Variants in CKS1B observed in about 807,000 individuals in gnomAD.
CKS1B encodes the protein cyclin-dependent kinases regulatory subunit 1.
CKS1B carries 5 observed loss-of-function variants against 12.2 expected under a neutral mutation model. The ratio of observed to expected loss-of-function variants is 0.41; its 90% CI spans 0.21 to 0.86. The LOEUF (loss-of-function observed/expected upper bound fraction) is 0.86. Among genes scored for constraint, CKS1B ranks in the 40% least tolerant of loss-of-function variants. CKS1B has a pLI of 0.32. For synonymous variants in CKS1B, 24 were observed against 34.4 expected (o/e 0.70, Z 1.06); for missense variants, 53 against 99.9 (o/e 0.53, Z 2.00).
At chr1:154,975,043 G>A in intron 1 of CKS1B, 1 of 1,077,404 alleles carries the variant, frequency 9.3e-7, no homozygotes, top group Non-Finnish European at 1.4e-6. Flanking sequence ...GGGTGGGCGT[G>A]GTTAGGGTAC....
rs941162077 is a variant in CKS1B at position 154,978,919 on chromosome 1, G to T, written c.*142G>T. 14 of 639,404 alleles carry T rather than the reference G, an allele frequency of 2.2e-5. No individual in the cohort carries two copies. Among genetic ancestry groups the T allele is most frequent in the African/African-American group, 1.8e-4 (10 of 54,698 alleles). The allele number at this position is 639,404 out of a possible 1,614,324, so 39.6% of individuals were successfully genotyped here. On this transcript the variant is annotated 3_prime_UTR_variant, in exon 3 of 3. Transcript: ENST00000308987. ...TTCAATACACTGTTTGAATGTGCTG[G>T]TAACTGCTTTGCTTCTTGAGTAGAG...
At position 154,978,597 on chromosome 1, in the gene CKS1B, A is replaced by T. The variant is rs1156267357; in HGVS notation, c.188-128A>T. On this transcript the variant is annotated intron_variant, in intron 2 of 2. Coordinates refer to ENST00000308987, the MANE Select transcript of CKS1B (RefSeq NM_001826.3). ...CTTCTGGGTCTGCTTCTAAGGCCATATGCTTAAGTCTTTATTTAGTTATAA... is the reference window on the plus strand; with the variant it reads ...CTTCTGGGTCTGCTTCTAAGGCCATTTGCTTAAGTCTTTATTTAGTTATAA... 13 of 751,876 alleles carry T rather than the reference A, an allele frequency of 1.7e-5. No homozygotes were observed. The Admixed American group carries it at 2.1e-4, about 12-fold the overall frequency. The allele number at this position is 751,876 out of a possible 1,614,324, so 46.6% of individuals were successfully genotyped here.
At chr1:154,976,460 C>T (rs1188757579) in intron 1 of CKS1B, among the ~76,000 whole-genome samples, 2 of 152,194 alleles carry the variant, frequency 1.3e-5, no homozygotes, top group Non-Finnish European at 2.9e-5. Flanking sequence ...CTTCACCCAG[C>T]CTAGTTCAGG....
At chr1:154,978,691 G>C in intron 2 of CKS1B, 34 bp from the exon 3 acceptor site, 1 of 1,601,668 alleles carries the variant, frequency 6.2e-7, no homozygotes, top group Non-Finnish European at 8.6e-7. Flanking sequence ...AGAATGGTGT[G>C]AGCTTGTCTC....
chr1:154,974,991 T>A (rs992042530), intron 1 of CKS1B, 187 bp downstream of exon 1: 2 of 1,573,792 alleles, frequency 1.3e-6, no homozygotes, highest in African/African-American at 2.7e-5. Flanking sequence ...TAAAACAAAG[T>A]GGTTGCGAAT....
intron 1 of CKS1B, 82 bp downstream of exon 1, chr1:154,974,886 G>A: frequency 1.9e-6 from 3 of 1,614,050 alleles, no homozygotes; most frequent in Non-Finnish European, 2.5e-6. Context: ...AGGAACTGAG[G>A]CGATAGAATT....
chr1:154,978,697 G>A, intron 2 of CKS1B, 28 bp from the exon 3 acceptor site: 3 of 1,608,638 alleles, frequency 1.9e-6, no homozygotes, highest in East Asian at 2.2e-5. Flanking sequence ...GTGTGAGCTT[G>A]TCTCTTAGAT....
chr1:154,977,117 CTTTCTTT>C (rs902579045), intron 1 of CKS1B, among the ~76,000 whole-genome samples: 1 of 151,962 alleles, frequency 6.6e-6, no homozygotes, highest in Non-Finnish European at 1.5e-5. Context: ...CATTGCAGCC[CTTTCTTT>C]TTTCTTATTT....
In CKS1B at chr1:154,978,010, T is replaced by C. The variant is rs759646394; in HGVS notation, c.83T>C (p.Ile28Thr). ...AGACATGTCATGCTGCCCAAGGACATAGCCAAGCTGGTCCCTAAAACCCAT... is the reference window on the plus strand; with the variant it reads ...AGACATGTCATGCTGCCCAAGGACACAGCCAAGCTGGTCCCTAAAACCCAT... ...EYRHVMLPKD[I>T]AKLVPKTHLM... Residue 28 changes from isoleucine to threonine, a missense_variant, in exon 2 of 3, where the codon ATA becomes ACA. Ile to Thr is a moderately conservative substitution (Grantham distance 89). Coordinates refer to ENST00000308987, the MANE Select transcript of CKS1B (RefSeq NM_001826.3). The C allele has an allele frequency of 4.3e-6, 7 of 1,613,918 alleles. No individual in the cohort carries two copies. Among genetic ancestry groups the C allele is most frequent in the Non-Finnish European group, 5.1e-6 (6 of 1,179,916 alleles).
At position 154,978,600 on chromosome 1, in the gene CKS1B, C is replaced by T. The variant is rs1657247444; in HGVS notation, c.188-125C>T. ...CTGGGTCTGCTTCTAAGGCCATATG[C>T]TTAAGTCTTTATTTAGTTATAAAGA... On this transcript the variant is annotated intron_variant, in intron 2 of 2. Coordinates refer to ENST00000308987, the MANE Select transcript of CKS1B (RefSeq NM_001826.3). The T allele has an allele frequency of 9.0e-6, 7 of 780,308 alleles. No homozygotes were observed. In the South Asian group the frequency reaches 9.5e-5, roughly 11 times the overall value. 48.3% of individuals were successfully genotyped at this position (780,308 alleles called of 1,614,324 possible).
At chr1:154,978,205 A>ACCAGTAAACCATTTCCT in intron 2 of CKS1B, 91 bp downstream of exon 2, 1 of 1,321,098 alleles carries the variant, frequency 7.6e-7, no homozygotes, top group Non-Finnish European at 1.0e-6. Flanking sequence ...GGAGATAGGA[A>ACCAGTAAACCATTTCCT]ATGGTTTACT....
chr1:154,974,996 GC>G, intron 1 of CKS1B, 192 bp downstream of exon 1: 1 of 1,552,838 alleles, frequency 6.4e-7, no homozygotes. Flanking sequence ...CAAAGTGGTT[GC>G]GAATTTGGAG....
At chr1:154,978,523 T>C (rs891367183) in intron 2 of CKS1B, 6 of 595,840 alleles carry the variant, frequency 1.0e-5, no homozygotes, top group East Asian at 2.8e-5. Flanking sequence ...TGTATAAACA[T>C]AGCAAAAGAA....
At position 154,977,868 on chromosome 1, in the gene CKS1B, T is replaced by C. The variant is rs189477601; in HGVS notation, c.60-119T>C. On this transcript the variant is annotated intron_variant, in intron 1 of 2. Coordinates refer to ENST00000308987, the MANE Select transcript of CKS1B (RefSeq NM_001826.3). ...GCTGCTACCCCACAATAAAATTATA[T>C]AAACTCTGACATCAAAAACCAGTTT... is the stretch of plus-strand genomic sequence containing the variant. 4.3e-5 allele frequency: 43 copies of C among 989,862 alleles called. No homozygotes were observed. In the African/African-American group the frequency reaches 6.8e-4, roughly 16 times the overall value. 61.3% of individuals were successfully genotyped at this position (989,862 alleles called of 1,614,324 possible).
chr1:154,977,706 C>A, intron 1 of CKS1B: 1 of 348,410 alleles, frequency 2.9e-6, no homozygotes, highest in South Asian at 4.3e-5. Flanking sequence ...TGTAGATAAT[C>A]AACTAGAAGA....
In CKS1B at chr1:154,974,957, A is replaced by C. The variant is rs552188345; in HGVS notation, c.59+153A>C. 16 of 1,611,524 alleles carry C rather than the reference A, an allele frequency of 9.9e-6. No individual in the cohort carries two copies. In the South Asian group the frequency reaches 1.8e-4, roughly 18 times the overall value. On this transcript the variant is annotated intron_variant, in intron 1 of 2. Transcript: ENST00000308987. ...TGATATTGTGGAAGGCGTAAGGCGC[A>C]TGCGCGGAGGTGGGAGGCGCTCGTA...
intron 1 of CKS1B, chr1:154,975,167 C>T (rs112083152): frequency 3.4e-6 from 2 of 588,938 alleles, no homozygotes; most frequent in Non-Finnish European, 6.0e-6. Context: ...AGTGGGAGAA[C>T]GTAGCAAAAG....
rs766544681 is a variant in CKS1B at position 154,974,986 on chromosome 1, C to CA, written c.59+185dup. On this transcript the variant is annotated intron_variant, in intron 1 of 2. Transcript: ENST00000308987. The stretch of plus-strand genomic sequence containing the variant: ...GCGGAGGTGGGAGGCGCTCGTAAAA[C>CA]AAAGTGGTTGCGAATTTGGAGTCGC... 8 of 1,584,906 alleles carry CA rather than the reference C, an allele frequency of 5.0e-6. No individual in the cohort carries two copies. The Admixed American group carries it at 1.3e-4, about 26-fold the overall frequency.
chr1:154,975,821 A>G (rs545894205), intron 1 of CKS1B: 31 of 154,882 alleles, frequency 2.0e-4, no homozygotes, highest in African/African-American at 6.7e-4. Context: ...TTTCACCACC[A>G]TTGAAAACGA....
Sources: allele counts gnomAD v4.1 joint callset (sites outside exome capture counted in the v4.1 genomes callset), GRCh38; gene constraint gnomAD v4.1.1; transcripts MANE v1.5; gene names NCBI Gene and HGNC (gene_info 2026-07-23, HGNC 2026-07-21).